Variants in FAM228B observed in about 807,000 individuals in gnomAD.
FAM228B encodes protein FAM228B.
In FAM228B, 38 loss-of-function variants were observed where a neutral mutation model predicts 42.6. The observed-to-expected ratio is 0.89, with a 90% CI of 0.69 to 1.17. The LOEUF (loss-of-function observed/expected upper bound fraction) is 1.17. Ranked by LOEUF, FAM228B falls within the 50% of genes most tolerant of loss-of-function variation. The probability of loss-of-function intolerance (pLI) is 0.00; values close to 1 mark genes in which losing one functional copy is unlikely to be tolerated. For synonymous variants in FAM228B, 109 were observed against 122.3 expected (o/e 0.89, Z 0.72); for missense variants, 344 against 367.3 (o/e 0.94, Z 0.52).
chr2:24,163,008 G>A (rs995664215), intron 8 of FAM228B, among the ~76,000 whole-genome samples: 5 of 152,008 alleles, frequency 3.3e-5, no homozygotes, highest in Non-Finnish European at 7.4e-5. Context: ...GCACAACTCT[G>A]TAAATATACT....
intron 3 of FAM228B, 127 bp downstream of exon 3, chr2:24,135,314 C>T: frequency 8.6e-6 from 5 of 578,792 alleles, no homozygotes; most frequent in South Asian, 2.5e-5. Context: ...CACTCCCTTG[C>T]ACCTGGAATT....
chr2:24,092,263 CTT>C (rs925298680), intron 2 of FAM228B, among the ~76,000 whole-genome samples: 12 of 129,524 alleles, frequency 9.3e-5, no homozygotes, highest in Non-Finnish European at 1.8e-4. Flanking sequence ...GTAGGAAAGA[CTT>C]ATATTACCAG....
At chr2:24,120,276 A>AC (rs1359811852), upstream of FAM228B, among the ~76,000 whole-genome samples, 123 of 137,592 alleles carry the variant, frequency 8.9e-4, no homozygotes, top group African/African-American at 2.9e-3. Context: ...CTCAAAAAAA[A>AC]AAACAACAAC....
chr2:24,080,953 C>A lies in FAM228B; in HGVS notation c.-212C>A, dbSNP rs769647439. ...GACCAGAGGAATAGCTCCAGCCATCCGGGTGAGTTGGATAGCAGCTGTGCC... is the reference window on the plus strand; with the variant it reads ...GACCAGAGGAATAGCTCCAGCCATCAGGGTGAGTTGGATAGCAGCTGTGCC... On this transcript the variant is annotated splice_region_variant and 5_prime_UTR_variant, in exon 2 of 11. Transcript: ENST00000613899. The surrounding 1 kb of genome is among the most constrained non-coding windows in gnomAD (Gnocchi z 4.7). The A allele has an allele frequency of 1.9e-6, 3 of 1,614,056 alleles. No individual in the cohort carries two copies. The East Asian group carries it at 6.7e-5, about 36-fold the overall frequency.
At chr2:24,103,311 T>A (rs1665642618) in intron 3 of FAM228B, among the ~76,000 whole-genome samples, 1 of 152,202 alleles carries the variant, frequency 6.6e-6, no homozygotes, top group Non-Finnish European at 1.5e-5. Flanking sequence ...CAGATCTTTT[T>A]CAGGAAAGTA....
chr2:24,097,451 C>CAAAAAAAAAAAAAA (rs142500481), intron 3 of FAM228B: 1 of 70,378 alleles, frequency 1.4e-5, no homozygotes, highest in Non-Finnish European at 2.7e-5. Flanking sequence ...AAATGGAAAG[C>CAAAAAAAAAAAAAA]AAAAAAAAAA....
intron 1 of FAM228B, among the ~76,000 whole-genome samples, chr2:24,079,810 CTA>C (rs1664921164): frequency 6.6e-6 from 1 of 152,138 alleles, no homozygotes; most frequent in Non-Finnish European, 1.5e-5. Flanking sequence ...TAGCAGAACT[CTA>C]TGATAGCATG....
At chr2:24,152,149 A>G (rs1667039092) in intron 7 of FAM228B, among the ~76,000 whole-genome samples, 1 of 152,208 alleles carries the variant, frequency 6.6e-6, no homozygotes, top group Admixed American at 6.5e-5. Flanking sequence ...GATTACAGGC[A>G]TGAGCCACCA....
intron 5 of FAM228B, among the ~76,000 whole-genome samples, chr2:24,140,724 G>A (rs921502549): frequency 1.5e-4 from 23 of 151,700 alleles, no homozygotes; most frequent in African/African-American, 5.1e-4. Flanking sequence ...CACTTTGGGA[G>A]GCCAAGGCGG....
intron 2 of FAM228B, among the ~76,000 whole-genome samples, chr2:24,129,153 A>G (rs1052168711): frequency 2.0e-5 from 3 of 151,930 alleles, no homozygotes; most frequent in East Asian, 1.9e-4. Context: ...ACTCTAACCT[A>G]TGAACTCCAA....
At chr2:24,152,710 C>T (rs918121511) in intron 7 of FAM228B, among the ~76,000 whole-genome samples, 9 of 152,150 alleles carry the variant, frequency 5.9e-5, no homozygotes, top group East Asian at 3.8e-4. Flanking sequence ...TTACTGGTGC[C>T]GCATTGGGTC....
At chr2:24,083,156 CA>C in intron 2 of FAM228B, 1 of 1,599,648 alleles carries the variant, frequency 6.3e-7, no homozygotes, top group Non-Finnish European at 8.5e-7. Context: ...CTTGTCTCTG[CA>C]GAGAAAGAAG....
In FAM228B at chr2:24,140,024, G is replaced by T. The variant is rs1666706896; in HGVS notation, c.441+574G>T. On this transcript the variant is annotated intron_variant, in intron 5 of 10. Transcript: ENST00000615575. ...ACTAATAGCAGAATTAATTAACCTT[G>T]CACTGAAGGATTAACCAAGTCTTAG... is the stretch of plus-strand genomic sequence containing the variant. Among the ~76,000 whole-genome samples, 4 of 151,966 alleles carry T rather than the reference G, an allele frequency of 2.6e-5. No homozygotes were observed. The South Asian group carries it at 8.3e-4, about 32-fold the overall frequency.
At chr2:24,134,430 T>C (rs1454301572) in intron 2 of FAM228B, among the ~76,000 whole-genome samples, 2 of 152,222 alleles carry the variant, frequency 1.3e-5, no homozygotes, top group Non-Finnish European at 2.9e-5. Flanking sequence ...GAATCAAGGC[T>C]GGAAGATTAG....
intron 5 of FAM228B, 84 bp downstream of exon 5, chr2:24,139,534 G>A (rs774368142): frequency 1.9e-5 from 13 of 692,058 alleles, no homozygotes; most frequent in Admixed American, 3.0e-5. Context: ...GTCCTTAAGC[G>A]ATTCCCTAAA....
intron 2 of FAM228B, among the ~76,000 whole-genome samples, chr2:24,125,230 A>C (rs1013734310): frequency 6.6e-6 from 1 of 152,118 alleles, no homozygotes; most frequent in African/African-American, 2.4e-5. Context: ...ACGAACGAAC[A>C]ATAATAGCCA....
chr2:24,085,374 G>T (rs1665211354), intron 2 of FAM228B, among the ~76,000 whole-genome samples: 1 of 152,110 alleles, frequency 6.6e-6, no homozygotes, highest in Non-Finnish European at 1.5e-5. Flanking sequence ...TCTCAATCTC[G>T]GCGCTATTGA....
intron 2 of FAM228B, among the ~76,000 whole-genome samples, chr2:24,090,378 G>T (rs1665363700): frequency 6.6e-6 from 1 of 151,992 alleles, no homozygotes; most frequent in Admixed American, 6.6e-5. Flanking sequence ...GAGGTCAGGA[G>T]TTCAAGACCA....
intron 5 of FAM228B, 39 bp downstream of exon 5, chr2:24,139,489 G>A: frequency 2.3e-6 from 3 of 1,308,010 alleles, no homozygotes; most frequent in South Asian, 1.3e-5. Context: ...GGTATTATGT[G>A]TTTGGTTGTT....
Sources: allele counts gnomAD v4.1 joint callset (sites outside exome capture counted in the v4.1 genomes callset), GRCh38; gene constraint gnomAD v4.1.1; non-coding constraint Gnocchi (gnomAD v3.1); transcripts MANE v1.5; gene names NCBI Gene and HGNC (gene_info 2026-07-23, HGNC 2026-07-21).